Variants in ITGAV observed in about 807,000 individuals in gnomAD.
ITGAV encodes integrin alpha-V.
In ITGAV, 76 loss-of-function variants were observed where a neutral mutation model predicts 143.8. That is an observed-to-expected ratio of 0.53 (90% confidence interval 0.44 to 0.64). The LOEUF (loss-of-function observed/expected upper bound fraction) is 0.64, where lower values mean the gene tolerates loss of function less well. ITGAV is among the 30% of genes least tolerant of loss of function. The pLI is 0.00. For synonymous variants in ITGAV, 453 were observed against 446.7 expected, an observed-to-expected ratio of 1.01 and a Z score of -0.18; for missense variants, 1,193 against 1,274.7, an observed-to-expected ratio of 0.94 and a Z score of 0.98.
intron 12 of ITGAV, among the ~76,000 whole-genome samples, chr2:186,645,222 G>C (rs146754501): frequency 6.6e-6 from 1 of 152,284 alleles, no homozygotes; most frequent in African/African-American, 2.4e-5. Flanking sequence ...GGGGTCGAGA[G>C]GGGTGGTGCA....
At chr2:186,598,292 TATACAC>T (rs763783417) in intron 1 of ITGAV, among the ~76,000 whole-genome samples, 9 of 43,808 alleles carry the variant, frequency 2.1e-4, no homozygotes, top group African/African-American at 5.4e-4. Flanking sequence ...TATTATAATT[TATACAC>T]ACACACACAC....
chr2:186,646,943 C>G (rs1296315474), intron 13 of ITGAV, 66 bp downstream of exon 13: 7 of 1,040,104 alleles, frequency 6.7e-6, no homozygotes, highest in Non-Finnish European at 9.5e-6. Context: ...GTATTAGTTA[C>G]TGTTCTTGAT....
At chr2:186,654,305 C>T (rs568185593) in intron 15 of ITGAV, among the ~76,000 whole-genome samples, 1 of 151,116 alleles carries the variant, frequency 6.6e-6, no homozygotes, top group African/African-American at 2.4e-5. Flanking sequence ...TGTACTCCAG[C>T]CTGGGCAACA....
chr2:186,644,761 A>G (rs1211054639), intron 12 of ITGAV, among the ~76,000 whole-genome samples: 1 of 152,138 alleles, frequency 6.6e-6, no homozygotes, highest in Non-Finnish European at 1.5e-5. Context: ...ATGAGCATAA[A>G]TCAGAGTCTA....
rs146996513 is a variant in ITGAV, at chr2:186,610,122, T to C, written c.316+7971T>C. Among the ~76,000 whole-genome samples the C allele has an allele frequency of 3.3e-3, 509 of 152,218 alleles. 2 individuals carry two copies. Among genetic ancestry groups the C allele is most frequent in the African/African-American group, 0.012 (483 of 41,544 alleles). ...CCTAGTCACTTTTTTGGTAAAATGA[T>C]AGAAGTTACATGAAATAATGAATAT... On this transcript the variant is annotated intron_variant, in intron 2 of 29. Coordinates refer to ENST00000261023, the MANE Select transcript of ITGAV (RefSeq NM_002210.5).
chr2:186,662,673 A>G (rs913038984), intron 18 of ITGAV, among the ~76,000 whole-genome samples: 1 of 152,218 alleles, frequency 6.6e-6, no homozygotes, highest in Non-Finnish European at 1.5e-5. Flanking sequence ...AAAGTATATA[A>G]TACATTCTGG....
Position 186,648,358 on chromosome 2 carries a change from A to T in ITGAV, c.1351+1481A>T, listed in dbSNP as rs369693946. ...TTAAAGCACTCACCAGCAGTAAATGAGTCATTGTTTTCCCATACTTGTGCT... is the reference window on the plus strand; with the variant it reads ...TTAAAGCACTCACCAGCAGTAAATGTGTCATTGTTTTCCCATACTTGTGCT... On this transcript the variant is annotated intron_variant, in intron 13 of 29. Coordinates refer to ENST00000261023, the MANE Select transcript of ITGAV (RefSeq NM_002210.5). Among the ~76,000 whole-genome samples, 40 of 152,312 alleles carry T rather than the reference A, an allele frequency of 2.6e-4. No homozygotes were observed. The East Asian group carries it at 3.5e-3, about 13-fold the overall frequency.
chr2:186,670,500 C>T (rs1689036117), intron 26 of ITGAV, among the ~76,000 whole-genome samples: 1 of 152,088 alleles, frequency 6.6e-6, no homozygotes, highest in South Asian at 2.1e-4. Context: ...GAGGTTTCAC[C>T]ATGTTGCCCA....
At chr2:186,656,818 C>T (rs1165723477) in intron 17 of ITGAV, among the ~76,000 whole-genome samples, 3 of 152,120 alleles carry the variant, frequency 2.0e-5, no homozygotes, top group African/African-American at 7.2e-5. Flanking sequence ...GTGGTAATTG[C>T]AGACACCAGC....
chr2:186,617,404 G>A lies in ITGAV; in HGVS notation c.317-4935G>A, dbSNP rs1025896237. On this transcript the variant is annotated intron_variant, in intron 2 of 29. Transcript: ENST00000261023. ...GAAAAGAGTTGGCTGCTAATAAGGA[G>A]TAGAGTCGAAAGCTACGACAATCCG... 2.0e-5 allele frequency among the ~76,000 whole-genome samples: 3 copies of A among 152,348 alleles called. No homozygotes were observed. In the East Asian group the frequency reaches 5.8e-4, roughly 29 times the overall value.
intron 12 of ITGAV, among the ~76,000 whole-genome samples, chr2:186,645,535 A>G (rs1243145209): frequency 1.3e-5 from 2 of 152,292 alleles, no homozygotes; most frequent in East Asian, 3.9e-4. Flanking sequence ...AATACCAGGT[A>G]GGGTTTAGAA....
At chr2:186,664,782 C>A in intron 20 of ITGAV, 141 bp downstream of exon 20, 1 of 1,021,488 alleles carries the variant, frequency 9.8e-7, no homozygotes, top group Non-Finnish European at 1.4e-6. Context: ...GCCTATCTTA[C>A]ATAATTCCTT....
intron 1 of ITGAV, among the ~76,000 whole-genome samples, chr2:186,597,869 T>C (rs1418550228): frequency 6.6e-6 from 1 of 152,094 alleles, no homozygotes. Flanking sequence ...GTGATCCGAG[T>C]TGGACAGTTT....
Position 186,675,823 on chromosome 2 carries a change from GAA to G in ITGAV, c.2827_2828del (p.Asn943SerfsTer14). 1 of 1,595,686 alleles carries G rather than the reference GAA, an allele frequency of 6.3e-7. No homozygotes were observed. The highest frequency in any genetic ancestry group is 2.2e-5 in the East Asian group (1 of 44,748). ...LLWTETFMNK[E>X]NQNHSYSLKS... ...TCTAATTGTTATTTCCAAACAGAAA[GAA>G]AATCAGAATCATTCCTATTCTCTGA... On this transcript the variant is annotated frameshift_variant, in exon 28 of 30. Transcript: ENST00000261023. LOFTEE classifies it high-confidence loss of function.
Position 186,621,737 on chromosome 2 carries a change from G to A in ITGAV, c.317-602G>A, listed in dbSNP as rs945908429. ...ATAGTGATGTTCGATCTATCCCAATGCATCATTTTGTTTTTGACACTGGAA... is the reference window on the plus strand; with the variant it reads ...ATAGTGATGTTCGATCTATCCCAATACATCATTTTGTTTTTGACACTGGAA... On this transcript the variant is annotated intron_variant, in intron 2 of 29. Transcript: ENST00000261023. 9.9e-5 allele frequency among the ~76,000 whole-genome samples: 15 copies of A among 152,150 alleles called. 1 individual carries two copies. Among genetic ancestry groups the A allele is most frequent in the Non-Finnish European group, 4.4e-5 (3 of 68,016 alleles).
intron 12 of ITGAV, among the ~76,000 whole-genome samples, chr2:186,644,366 G>A (rs770616509): frequency 2.7e-5 from 4 of 149,074 alleles, no homozygotes; most frequent in Non-Finnish European, 4.5e-5. Flanking sequence ...TCATTCTGTC[G>A]CCAGGCTGGA....
intron 4 of ITGAV, 116 bp from the exon 5 acceptor site, chr2:186,630,681 C>A: frequency 1.6e-6 from 1 of 620,340 alleles, no homozygotes. Flanking sequence ...GAGTGAATGA[C>A]CACTCTCAAA....
At position 186,638,321 on chromosome 2, in the gene ITGAV, G is replaced by A; in HGVS notation, c.846+1G>A. ...AAGAGCAGCAAGGACTTTGGGAATGGTAGGACAGTTAAAAGGTATTTTTTA... is the reference window on the plus strand; with the variant it reads ...AAGAGCAGCAAGGACTTTGGGAATGATAGGACAGTTAAAAGGTATTTTTTA... On this transcript the variant is annotated splice_donor_variant, in intron 9 of 29. Transcript: ENST00000261023. LOFTEE classifies it high-confidence loss of function. The A allele has an allele frequency of 6.2e-7, 1 of 1,613,354 alleles. No homozygotes were observed. The highest frequency in any genetic ancestry group is 8.5e-7 in the Non-Finnish European group (1 of 1,179,356).
At chr2:186,597,766 C>G (rs1161089460) in intron 1 of ITGAV, among the ~76,000 whole-genome samples, 1 of 152,178 alleles carries the variant, frequency 6.6e-6, no homozygotes, top group Non-Finnish European at 1.5e-5. Flanking sequence ...GCATTAGATT[C>G]TCATAGGAGC....
Sources: allele counts gnomAD v4.1 joint callset (sites outside exome capture counted in the v4.1 genomes callset), GRCh38; gene constraint gnomAD v4.1.1; transcripts MANE v1.5; gene names NCBI Gene and HGNC (gene_info 2026-07-23, HGNC 2026-07-21).